Variants in SMS observed in about 807,000 individuals in gnomAD.
SMS encodes spermidine aminopropyltransferase.
SMS carries 3 observed loss-of-function variants against 33.0 expected under a neutral mutation model. The ratio of observed to expected loss-of-function variants is 0.09; its 90% CI spans 0.04 to 0.23. The LOEUF (loss-of-function observed/expected upper bound fraction) is 0.23, where lower values mean the gene tolerates loss of function less well. SMS is among the 10% of genes least tolerant of loss of function. The pLI is 1.00. For synonymous variants in SMS, 103 were observed against 112.2 expected, an observed-to-expected ratio of 0.92 and a Z score of 0.52; for missense variants, 117 against 288.6, an observed-to-expected ratio of 0.41 and a Z score of 4.31.
intron 1 of SMS, among the ~76,000 whole-genome samples, chrX:21,948,855 C>G (rs1922416434): frequency 8.9e-6 from 1 of 112,258 alleles, no homozygotes; most frequent in Non-Finnish European, 1.9e-5. Flanking sequence ...CTGGTGTGCA[C>G]TGTGGCTCCG....
At position 21,975,791 on chromosome X, in the gene SMS, GT is replaced by G. The variant is rs199953682; in HGVS notation, c.330-1268del. On this transcript the variant is annotated intron_variant, in intron 4 of 10. Transcript: ENST00000404933. ...TTCAATCTCGGTGTTCTTTATAGATGTTAGTATTCCCTCATAGAAAGCCTTG... is the reference window on the plus strand; with the variant it reads ...TTCAATCTCGGTGTTCTTTATAGATGTAGTATTCCCTCATAGAAAGCCTTG... 1.7e-3 allele frequency among the ~76,000 whole-genome samples: 183 copies of G among 110,690 alleles called. 8 individuals carry two copies. The East Asian group carries it at 0.039, about 24-fold the overall frequency.
In SMS at chrX:21,978,015, A is replaced by G. The variant is rs138516691; in HGVS notation, c.561A>G (p.Glu187=). 235 of 1,206,403 alleles carry G rather than the reference A, an allele frequency of 1.9e-4. No homozygotes were observed. In the African/African-American group the frequency reaches 3.2e-3, roughly 16 times the overall value. The change falls in exon 6 of 11, where the codon GAA becomes GAG. Residue 187 remains glutamate, a synonymous_variant. Transcript: ENST00000404933. ...GGGCCATCATGGGCAGTGGCAAAGA[A>G]GATTACACTGGCAAAGATGTACTCA... ...YTRAIMGSGK[E]DYTGKDVLIL... is the part of the protein sequence containing the mutation.
At chrX:21,967,131 C>G in intron 1 of SMS, 65 bp from the exon 2 acceptor site, 1 of 1,114,792 alleles carries the variant, frequency 9.0e-7, no homozygotes, top group Non-Finnish European at 1.2e-6. Flanking sequence ...TCAAACTGTG[C>G]CTCATTGGCC....
At chrX:21,965,395 G>A (rs1432678471) in intron 1 of SMS, among the ~76,000 whole-genome samples, 1 of 110,449 alleles carries the variant, frequency 9.1e-6, no homozygotes, top group African/African-American at 3.3e-5. Flanking sequence ...CCAGCACTTC[G>A]GGAGGCTGTG....
chrX:21,946,460 G>T (rs1922237432), intron 1 of SMS, among the ~76,000 whole-genome samples: 1 of 112,556 alleles, frequency 8.9e-6, no homozygotes, highest in African/African-American at 3.2e-5. Context: ...ACCCTAGGTA[G>T]GTCTTGTTAT....
At chrX:21,984,001 T>C (rs2146953163) in intron 7 of SMS, among the ~76,000 whole-genome samples, 1 of 112,422 alleles carries the variant, frequency 8.9e-6, no homozygotes, top group African/African-American at 3.2e-5. Context: ...ACTTCGTGGA[T>C]CTATGGGCAA....
intron 1 of SMS, among the ~76,000 whole-genome samples, chrX:21,951,310 T>G (rs1922591245): frequency 8.9e-6 from 1 of 112,252 alleles, no homozygotes; most frequent in Admixed American, 9.4e-5. Context: ...TCTTATAAAT[T>G]TAGTTCTTTG....
chrX:21,951,206 C>CT (rs1279775893), intron 1 of SMS, among the ~76,000 whole-genome samples: 2 of 112,368 alleles, frequency 1.8e-5, no homozygotes, highest in East Asian at 5.6e-4. Context: ...TGATGATGAG[C>CT]TTTTTTCCCA....
intron 9 of SMS, among the ~76,000 whole-genome samples, chrX:21,986,626 A>T (rs1391489464): frequency 8.9e-6 from 1 of 112,227 alleles, no homozygotes; most frequent in African/African-American, 3.2e-5. Flanking sequence ...CTTTGAGGAC[A>T]GCAAAGCACT....
At chrX:21,947,298 G>T (rs1470811387) in intron 1 of SMS, among the ~76,000 whole-genome samples, 3 of 111,317 alleles carry the variant, frequency 2.7e-5, no homozygotes, top group Non-Finnish European at 5.6e-5. Context: ...GCCTTTCGGG[G>T]CTGATGACTG....
intron 1 of SMS, among the ~76,000 whole-genome samples, chrX:21,953,324 A>G (rs1271415768): frequency 2.7e-5 from 3 of 110,775 alleles, no homozygotes; most frequent in Non-Finnish European, 3.8e-5. Flanking sequence ...AGGGGGGAGC[A>G]TATTACAGAA....
rs927921868 is a variant in SMS, at chrX:21,965,507, G to A, written c.50-1689G>A. On this transcript the variant is annotated intron_variant, in intron 1 of 10. Transcript: ENST00000404933. ...TACAAAAATTAGTTGGACATGGGCC[G>A]GGCGCGGCGGATCACAAGGTCAGGA... Among the ~76,000 whole-genome samples the A allele has an allele frequency of 1.1e-4, 12 of 105,871 alleles. No homozygotes were observed. The East Asian group carries it at 1.8e-3, about 16-fold the overall frequency. 91.9% of individuals were successfully genotyped at this position (105,871 alleles called of 115,157 possible).
At chrX:21,979,856 C>G (rs1235034232) in intron 7 of SMS, among the ~76,000 whole-genome samples, 3 of 108,249 alleles carry the variant, frequency 2.8e-5, no homozygotes, top group Non-Finnish European at 5.7e-5. Flanking sequence ...CTCATCCTCT[C>G]CAGCATCTGT....
intron 1 of SMS, among the ~76,000 whole-genome samples, chrX:21,942,345 C>G (rs1466062309): frequency 9.0e-6 from 1 of 111,032 alleles, no homozygotes; most frequent in Non-Finnish European, 1.9e-5. Flanking sequence ...AGTCTGGCTT[C>G]TTCCTGATGG....
chrX:21,984,017 A>G (rs776980737), intron 7 of SMS, among the ~76,000 whole-genome samples: 65 of 112,302 alleles, frequency 5.8e-4, no homozygotes, highest in African/African-American at 1.9e-3. Context: ...GGCAAGCTGG[A>G]TAACACCTCA....
At chrX:21,965,776 A>G (rs1923674657) in intron 1 of SMS, among the ~76,000 whole-genome samples, 1 of 108,513 alleles carries the variant, frequency 9.2e-6, no homozygotes, top group South Asian at 3.8e-4. Flanking sequence ...ATAAAATAAT[A>G]AATAAATAAA....
At chrX:21,984,961 T>C (rs977202698) in intron 8 of SMS, among the ~76,000 whole-genome samples, 183 bp from the exon 9 acceptor site, 1 of 112,128 alleles carries the variant, frequency 8.9e-6, no homozygotes, top group African/African-American at 3.2e-5. Flanking sequence ...TAGGTGGATG[T>C]GATTTTGGCA....
chrX:21,977,067 A>G lies in SMS; in HGVS notation c.336A>G (p.Pro112=). 1 of 1,209,316 alleles carries G rather than the reference A, an allele frequency of 8.3e-7. No homozygotes were observed. Among genetic ancestry groups the G allele is most frequent in the Non-Finnish European group, 1.1e-6 (1 of 893,470 alleles). Residue 112 remains proline (P), a synonymous_variant, in exon 5 of 11, where the codon CCA becomes CCG. Transcript: ENST00000404933. The part of the protein sequence containing the change: ...QDSTGRVKRL[P]PIVRGGAIDR... ...TGTTTTTCTCTTTTTCCAGATTACC[A>G]CCCATAGTGCGAGGAGGAGCCATCG...
chrX:21,946,560 A>C (rs192738660), intron 1 of SMS, among the ~76,000 whole-genome samples: 1 of 111,740 alleles, frequency 8.9e-6, no homozygotes, highest in African/African-American at 3.2e-5. Flanking sequence ...TGTTTGTTTG[A>C]TTGGAAGGCT....
Sources: allele counts gnomAD v4.1 joint callset (sites outside exome capture counted in the v4.1 genomes callset), GRCh38; gene constraint gnomAD v4.1.1; transcripts MANE v1.5; gene names NCBI Gene and HGNC (gene_info 2026-07-23, HGNC 2026-07-21).